The following KIF1B variants were observed in gnomAD, a reference collection of about 807,000 sequenced individuals.
KIF1B encodes the protein kinesin-like protein KIF1B.
A neutral mutation model predicts 241.9 loss-of-function variants in KIF1B; 76 were observed. That is an observed-to-expected ratio of 0.31 (90% CI 0.26 to 0.38). The LOEUF is 0.38. Among genes scored for constraint, KIF1B ranks in the 10% least tolerant of loss-of-function variants. KIF1B has a pLI of 1.00. For synonymous variants in KIF1B, 750 were observed against 796.7 expected (o/e 0.94, Z 0.99); for missense variants, 1,622 against 2,271.4 (o/e 0.71, Z 5.81).
At position 10,296,598 on chromosome 1, in the gene KIF1B, G is replaced by A; in HGVS notation, c.1794G>A (p.Glu598=). Residue 598 remains glutamate, a synonymous_variant, in exon 20 of 49, where the codon GAG becomes GAA. Transcript: ENST00000676179. The part of the protein sequence containing the change: ...SNSGEVIVTL[E]PCERSETYVN... ...TCCTCTTAGTTATCGTGACCTTAGA[G>A]CCCTGTGAGCGCTCAGAAACCTACG... 1 of 1,613,802 alleles carries A rather than the reference G, an allele frequency of 6.2e-7. No homozygotes were observed. The highest frequency in any genetic ancestry group is 1.3e-5 in the African/African-American group (1 of 74,996).
intron 40 of KIF1B, among the ~76,000 whole-genome samples, chr1:10,362,821 A>C (rs1638460756): frequency 6.6e-6 from 1 of 152,228 alleles, no homozygotes; most frequent in Non-Finnish European, 1.5e-5. Context: ...CTATAATCTC[A>C]GCACTTTTTG....
At chr1:10,300,609 C>G (rs1450472385) in intron 22 of KIF1B, among the ~76,000 whole-genome samples, 1 of 151,866 alleles carries the variant, frequency 6.6e-6, no homozygotes, top group Non-Finnish European at 1.5e-5. Flanking sequence ...CATCCTTAAG[C>G]AATTTGAAGA....
At chr1:10,307,897 C>A in intron 22 of KIF1B, 1 of 1,049,604 alleles carries the variant, frequency 9.5e-7, no homozygotes, top group East Asian at 5.5e-5. Flanking sequence ...TTTCTTTATT[C>A]CTGCTTCTAA....
chr1:10,280,262 G>A (rs1649340422), intron 14 of KIF1B, among the ~76,000 whole-genome samples: 1 of 151,618 alleles, frequency 6.6e-6, no homozygotes, highest in African/African-American at 2.4e-5. Flanking sequence ...TTGAGATGGA[G>A]TCTTGCTTTG....
At position 10,378,205 on chromosome 1, in the gene KIF1B, C is replaced by G. The variant is rs920003650; in HGVS notation, c.*1618C>G. 1.0e-4 allele frequency: 69 copies of G among 662,436 alleles called. No homozygotes were observed. In the Middle Eastern group the frequency reaches 3.1e-3, roughly 30 times the overall value. The allele number at this position is 662,436 out of a possible 1,614,324, so 41.0% of individuals were successfully genotyped here. A position where few individuals can be genotyped will look rare whatever the true frequency, so the allele number is the denominator to read the frequency against. On this transcript the variant is annotated 3_prime_UTR_variant, in exon 49 of 49. Transcript: ENST00000676179. The stretch of plus-strand genomic sequence containing the variant: ...AAACAAAACACAATATGCCTAGGGG[C>G]ACGGATGAACGTCCAGGGAGCCCGG...
intron 17 of KIF1B, among the ~76,000 whole-genome samples, chr1:10,293,134 A>G (rs919547501): frequency 1.3e-5 from 2 of 152,002 alleles, no homozygotes; most frequent in African/African-American, 4.8e-5. Flanking sequence ...TTTCAACAGA[A>G]AAGACTGATG....
intron 4 of KIF1B, among the ~76,000 whole-genome samples, chr1:10,260,738 ATGCC>A (rs1648087630): frequency 4.0e-5 from 6 of 151,736 alleles, no homozygotes; most frequent in Non-Finnish European, 7.4e-5. Context: ...ATGGTGGCGC[ATGCC>A]TGTAATCCCA....
intron 23 of KIF1B, among the ~76,000 whole-genome samples, chr1:10,320,521 A>G (rs1460310975): frequency 6.6e-6 from 1 of 152,124 alleles, no homozygotes; most frequent in Admixed American, 6.5e-5. Context: ...CAAATTTCTA[A>G]TCATATTGCT....
At position 10,211,912 on chromosome 1, in the gene KIF1B, G is replaced by C. The variant is rs12029927; in HGVS notation, c.-80+1034G>C. Reference sequence around the variant, plus strand: ...AGTATGGAGGCCTCGAGTAGCCGTAGAGCATTGGATGGATAGATTTTCAGA... The same window carrying C: ...AGTATGGAGGCCTCGAGTAGCCGTACAGCATTGGATGGATAGATTTTCAGA... On this transcript the variant is annotated intron_variant, in intron 1 of 48. Transcript: ENST00000676179. Among the ~76,000 whole-genome samples the C allele has an allele frequency of 5.3e-4, 80 of 152,304 alleles. No homozygotes were observed. The East Asian group carries it at 0.014, about 27-fold the overall frequency.
At chr1:10,282,575 C>A in intron 15 of KIF1B, 42 bp downstream of exon 15, 1 of 1,476,836 alleles carries the variant, frequency 6.8e-7, no homozygotes, top group Non-Finnish European at 9.5e-7. Flanking sequence ...TTCTATGTAG[C>A]TCCACAAGGA....
At position 10,337,188 on chromosome 1, in the gene KIF1B, C is replaced by T; in HGVS notation, c.3244C>T (p.Arg1082Ter). Reference sequence around the variant, plus strand: ...CATCACTCCTCCAGAAGAAATCAGTCGAATTAATGACTTGGGTATGTAGAC... The same window carrying T: ...CATCACTCCTCCAGAAGAAATCAGTTGAATTAATGACTTGGGTATGTAGAC... ...EVITPPEEIS[R>*]INDLDLKSST... Residue 1082 changes from arginine to a stop codon, truncating the protein, a stop_gained, in exon 30 of 49, where the codon CGA becomes TGA. Coordinates refer to ENST00000676179, the MANE Select transcript of KIF1B (RefSeq NM_001365951.3). LOFTEE classifies it high-confidence loss of function. This position sits in a 1 kb window ranked among gnomAD's most constrained non-coding sequence, Gnocchi z 4.0. The T allele has an allele frequency of 6.2e-7, 1 of 1,613,940 alleles. No homozygotes were observed. The highest frequency in any genetic ancestry group is 8.5e-7 in the Non-Finnish European group (1 of 1,180,010).
intron 1 of KIF1B, among the ~76,000 whole-genome samples, chr1:10,215,172 A>ATATATTTTT (rs1377684765): frequency 6.6e-5 from 3 of 45,352 alleles, no homozygotes; most frequent in African/African-American, 3.0e-4. Flanking sequence ...ATATATATAT[A>ATATATTTTT]TTTTTTTTTT....
At chr1:10,309,304 C>CT (rs1405026638) in intron 22 of KIF1B, among the ~76,000 whole-genome samples, 3 of 152,190 alleles carry the variant, frequency 2.0e-5, no homozygotes, top group Non-Finnish European at 4.4e-5. Flanking sequence ...CCTTCAGGTA[C>CT]TTTGTAATCC....
At position 10,297,041 on chromosome 1, in the gene KIF1B, A is replaced by T. The variant is rs764195046; in HGVS notation, c.2006A>T (p.Lys669Ile). 1 of 1,614,118 alleles carries T rather than the reference A, an allele frequency of 6.2e-7. No homozygotes were observed. Among genetic ancestry groups the T allele is most frequent in the Non-Finnish European group, 8.5e-7 (1 of 1,180,012 alleles). ...WTFAQRELLE[K>I]QGIDMKQEME... ...TTTGCCCAGAGGGAGCTTCTGGAAA[A>T]ACAAGGAATTGATATGAAACAAGAG... The change falls in exon 21 of 49, where the codon AAA (lysine) becomes ATA (isoleucine). Residue 669 changes from lysine to isoleucine, a missense_variant. Transcript: ENST00000676179.
chr1:10,359,821 G>A (rs985223319), intron 38 of KIF1B, among the ~76,000 whole-genome samples: 1 of 152,010 alleles, frequency 6.6e-6, no homozygotes, highest in Non-Finnish European at 1.5e-5. Context: ...AGCGCTTGAG[G>A]TCAGGAGTTT....
intron 1 of KIF1B, among the ~76,000 whole-genome samples, chr1:10,218,426 T>C (rs943605731): frequency 7.4e-4 from 108 of 146,248 alleles, no homozygotes; most frequent in Non-Finnish European, 1.3e-3. Flanking sequence ...TTTGTGCAAC[T>C]TTTTTTTTTT....
intron 2 of KIF1B, among the ~76,000 whole-genome samples, chr1:10,239,436 GT>G (rs1647102789): frequency 6.6e-6 from 1 of 151,512 alleles, no homozygotes; most frequent in East Asian, 1.9e-4. Flanking sequence ...TATTTTTAAT[GT>G]TACTATTTTT....
At chr1:10,341,817 T>C (rs1652402709) in intron 32 of KIF1B, among the ~76,000 whole-genome samples, 1 of 151,948 alleles carries the variant, frequency 6.6e-6, no homozygotes, top group Non-Finnish European at 1.5e-5. Flanking sequence ...AAAAATTGTT[T>C]TAAATTAGCC....
chr1:10,301,110 C>T (rs529221255), intron 22 of KIF1B, among the ~76,000 whole-genome samples: 1 of 151,968 alleles, frequency 6.6e-6, no homozygotes, highest in South Asian at 2.1e-4. Context: ...ATCACTTGAG[C>T]GCAAGTGTTT....
Sources: allele counts gnomAD v4.1 joint callset (sites outside exome capture counted in the v4.1 genomes callset), GRCh38; gene constraint gnomAD v4.1.1; non-coding constraint Gnocchi (gnomAD v3.1); transcripts MANE v1.5; gene names NCBI Gene and HGNC (gene_info 2026-07-23, HGNC 2026-07-21).